Variants in ZNF878 observed in about 807,000 individuals in gnomAD.
ZNF878 encodes zinc finger protein 878.
Under a neutral mutation model 11.1 loss-of-function variants are expected in ZNF878, and 10 were observed. The observed-to-expected ratio is 0.90, with a 90% CI of 0.56 to 1.53. ZNF878 has a LOEUF of 1.53. Among genes scored for constraint, ZNF878 ranks in the 40% most tolerant of loss-of-function variants. ZNF878 has a pLI of 0.00. For missense variants in ZNF878, 548 were observed against 626.1 expected (o/e 0.88, Z 1.33); for synonymous variants, 165 against 209.7 (o/e 0.79, Z 1.84).
At position 12,044,092 on chromosome 19, in the gene ZNF878, G is replaced by A. The variant is rs1287092358; in HGVS notation, c.1309C>T (p.Gln437Ter). 2.5e-6 allele frequency: 4 copies of A among 1,607,894 alleles called. No homozygotes were observed. The highest frequency in any genetic ancestry group is 1.7e-6 in the Non-Finnish European group (2 of 1,178,396). Residue 437 changes from glutamine (Q) to a stop codon, truncating the protein, a stop_gained, in exon 4 of 4, where the codon CAA becomes TAA. Transcript: ENST00000547628. LOFTEE classifies it low-confidence loss of function (END_TRUNC). Reference sequence around the variant, plus strand: ...TGAGTCCTTTCATGCATTTTAAGTTGTGAGGCAACTCTAAAGACTTTACCA... The same window carrying A: ...TGAGTCCTTTCATGCATTTTAAGTTATGAGGCAACTCTAAAGACTTTACCA... ...QCGKVFRVAS[Q>*]LKMHERTHTG... is the part of the protein sequence containing the mutation.
intron 1 of ZNF878, 83 bp downstream of exon 1, chr19:12,052,716 C>A (rs1026656738): frequency 1.3e-6 from 2 of 1,513,296 alleles, no homozygotes; most frequent in South Asian, 1.2e-5. Flanking sequence ...TGCAGGGGGG[C>A]CCGGGCCCCG....
At position 12,044,406 on chromosome 19, in the gene ZNF878, G is replaced by A; in HGVS notation, c.995C>T (p.Thr332Ile). ...TTCATAAGGTTTCTCTCCAGTGTGA[G>A]TCTTTTCATGATAGCGAAAGGAAGT... The part of the protein sequence containing the change: ...SSTSFRYHEK[T>I]HTGEKPYECK... Residue 332 changes from threonine to isoleucine, a missense_variant, in exon 4 of 4, where the codon ACT becomes ATT. By Grantham distance (89) the Thr-to-Ile change is moderately conservative. Coordinates refer to ENST00000547628, the MANE Select transcript of ZNF878 (RefSeq NM_001080404.3). 1 of 1,613,516 alleles carries A rather than the reference G, an allele frequency of 6.2e-7. No individual in the cohort carries two copies. The highest frequency in any genetic ancestry group is 1.1e-5 in the South Asian group (1 of 91,046).
In ZNF878 at chr19:12,052,825, C is replaced by T; in HGVS notation, c.-24G>A. Reference sequence around the variant, plus strand: ...ATTTCCTGGCTTCCAGGTATTCTGGCGTCCTCTCTAAAGGTCCCGTGAACA... The same window carrying T: ...ATTTCCTGGCTTCCAGGTATTCTGGTGTCCTCTCTAAAGGTCCCGTGAACA... On this transcript the variant is annotated 5_prime_UTR_variant, in exon 1 of 4. Transcript: ENST00000547628. 1 of 1,535,912 alleles carries T rather than the reference C, an allele frequency of 6.5e-7. No individual in the cohort carries two copies. Among genetic ancestry groups the T allele is most frequent in the East Asian group, 2.4e-5 (1 of 40,910 alleles).
chr19:12,045,276 C>T (rs1599389155), intron 3 of ZNF878, 67 bp from the exon 4 acceptor site: 1 of 1,325,546 alleles, frequency 7.5e-7, no homozygotes, highest in South Asian at 1.5e-5. Context: ...AAGTATTACA[C>T]TTGCATTTTT....
chr19:12,051,266 CCA>C lies in ZNF878; in HGVS notation c.3+1531_3+1532del, dbSNP rs543663280. Among the ~76,000 whole-genome samples the C allele has an allele frequency of 4.4e-3, 671 of 151,262 alleles. 3 individuals carry two copies. The highest frequency in any genetic ancestry group is 6.7e-3 in the Non-Finnish European group (457 of 67,726). On this transcript the variant is annotated intron_variant, in intron 1 of 3. Transcript: ENST00000547628. ...TGAGCCGAGATTGCGCCATTGCACT[CCA>C]GTCTCGGCAACAAGAGCGAAACTCC...
rs137945075 is a variant in ZNF878, at chr19:12,044,193, G to C, written c.1208C>G (p.Ala403Gly). The change falls in exon 4 of 4, where the codon GCC becomes GGC. Residue 403 changes from alanine to glycine, a missense_variant. Around this residue, in one of 3 missense-constraint regions of ZNF878, gnomAD observed 335 missense variants for 358.2 expected, o/e 0.94. Transcript: ENST00000547628. ...TTGAAGGACTGAGGCAGATCTGAAGGCTTTCCCACATTGCTTACACTCATA... is the reference window on the plus strand; with the variant it reads ...TTGAAGGACTGAGGCAGATCTGAAGCCTTTCCCACATTGCTTACACTCATA... Reference protein sequence around the residue: ...KPYECKQCGKAFRSASVLQKH... With the variant: ...KPYECKQCGKGFRSASVLQKH... 5.1e-5 allele frequency: 82 copies of C among 1,613,984 alleles called. 2 individuals are homozygous for C. The African/African-American group carries it at 7.9e-4, about 15-fold the overall frequency.
At chr19:12,052,141 A>G (rs73512960) in intron 1 of ZNF878, among the ~76,000 whole-genome samples, 8,513 of 152,182 alleles carry the variant, frequency 0.056, 861 homozygotes, top group African/African-American at 0.2. Context: ...CCTTCCCGGC[A>G]CTGATTCATC....
At chr19:12,048,731 G>A in intron 1 of ZNF878, among the ~76,000 whole-genome samples, 1 of 150,840 alleles carries the variant, frequency 6.6e-6, no homozygotes. Flanking sequence ...CTACTTGGGG[G>A]GCCGAGGCAG....
chr19:12,046,427 T>TC lies in ZNF878; in HGVS notation c.131dup (p.Trp47MetfsTer7). The TC allele has an allele frequency of 6.3e-7, 1 of 1,575,500 alleles. No individual in the cohort carries two copies. Among genetic ancestry groups the TC allele is most frequent in the Non-Finnish European group, 8.6e-7 (1 of 1,160,406 alleles). On this transcript the variant is annotated frameshift_variant and splice_region_variant, in exon 3 of 4. Transcript: ENST00000547628. LOFTEE classifies it high-confidence loss of function. ...CAATGTACTGGTTGTTCCATTTTTT[T>TC]CCTAAAATGCGGACCCAGAAAAATA...
At position 12,044,749 on chromosome 19, in the gene ZNF878, T is replaced by C; in HGVS notation, c.652A>G (p.Met218Val). 6.2e-7 allele frequency: 1 copy of C among 1,614,208 alleles called. No homozygotes were observed. The highest frequency in any genetic ancestry group is 8.5e-7 in the Non-Finnish European group (1 of 1,180,028). ...GGTCTCTCTCCAGTGTGCATTCTCA[T>C]GTGTGTCTGAAAGCTTACAAGATAA... is the stretch of plus-strand genomic sequence containing the variant. ...LSYLVSFQTH[M>V]RMHTGERPHK... The change falls in exon 4 of 4, where the codon ATG becomes GTG. Residue 218 changes from methionine (M) to valine (V), a missense_variant. Physicochemically the swap from Met to Val is conservative, Grantham distance 21. This residue lies in a region of ZNF878 where 53 missense variants were observed against 94.6 expected (regional missense o/e 0.56). Transcript: ENST00000547628.
Position 12,044,009 on chromosome 19 carries a change from A to G in ZNF878, c.1392T>C (p.Asn464=), listed in dbSNP as rs776012672. 15 of 1,609,746 alleles carry G rather than the reference A, an allele frequency of 9.3e-6. No individual in the cohort carries two copies. Among genetic ancestry groups the G allele is most frequent in the Middle Eastern group, 1.7e-4 (1 of 6,048 alleles). ...GAGTCCTTTTATGATAGCGAATAGA[A>G]TTAGAAGAAATGAAGGCTTTTCCAC... The part of the protein sequence containing the change: ...KQCGKAFISS[N]SIRYHKRTHT... Residue 464 remains asparagine, a synonymous_variant, in exon 4 of 4, where the codon AAT becomes AAC. Coordinates refer to ENST00000547628, the MANE Select transcript of ZNF878 (RefSeq NM_001080404.3).
At position 12,045,299 on chromosome 19, in the gene ZNF878, C is replaced by A. The variant is rs150777307; in HGVS notation, c.192-90G>T. On this transcript the variant is annotated intron_variant, in intron 3 of 3. Transcript: ENST00000547628. ...CACTTGCATTTTTAACAGTGCCCAG[C>A]AAAGTGTAGGCTTTCTGTCCTGTCT... 3.4e-4 allele frequency: 369 copies of A among 1,077,834 alleles called. 7 individuals carry two copies. The African/African-American group carries it at 5.1e-3, about 15-fold the overall frequency. The allele number at this position is 1,077,834 out of a possible 1,614,324, so 66.8% of individuals were successfully genotyped here. A position where few individuals can be genotyped will look rare whatever the true frequency, so the allele number is the denominator to read the frequency against.
rs1222779669 is a variant in ZNF878 at position 12,052,759 on chromosome 19, C to G, written c.3+40G>C. On this transcript the variant is annotated intron_variant, in intron 1 of 3. Transcript: ENST00000547628. Reference sequence around the variant, plus strand: ...GGGTTCCTCTCGGTTCCACCCAGTCCCTCCTTTCGCCTTGGGACTCCCCAG... The same window carrying G: ...GGGTTCCTCTCGGTTCCACCCAGTCGCTCCTTTCGCCTTGGGACTCCCCAG... The G allele has an allele frequency of 3.9e-6, 6 of 1,535,490 alleles. 1 individual carries two copies. The South Asian group carries it at 4.8e-5, about 12-fold the overall frequency.
Position 12,046,736 on chromosome 19 carries a change from C to T in ZNF878, c.28G>A (p.Ala10Thr). 1 of 1,614,056 alleles carries T rather than the reference C, an allele frequency of 6.2e-7. No homozygotes were observed. The highest frequency in any genetic ancestry group is 8.5e-7 in the Non-Finnish European group (1 of 1,179,980). The change falls in exon 2 of 4, where the codon GCT becomes ACT. Residue 10 changes from alanine to threonine, a missense_variant. Transcript: ENST00000547628. The stretch of plus-strand genomic sequence containing the variant: ...CACTCCTCCTGGGTGAAGTTCACAG[C>T]CACATCCTCAAAGGCCACCGAATCC... MDSVAFEDVAVNFTQEEWAL... is the reference protein window; with the variant it reads MDSVAFEDVTVNFTQEEWAL...
At chr19:12,050,595 C>T (rs1384864576) in intron 1 of ZNF878, among the ~76,000 whole-genome samples, 3 of 152,146 alleles carry the variant, frequency 2.0e-5, no homozygotes, top group African/African-American at 7.2e-5. Flanking sequence ...ACCTTCCATT[C>T]CCTGATTACA....
At chr19:12,045,552 C>A (rs550659906) in intron 3 of ZNF878, among the ~76,000 whole-genome samples, 1 of 151,162 alleles carries the variant, frequency 6.6e-6, no homozygotes, top group Admixed American at 6.6e-5. Context: ...GAGGCTGAGG[C>A]AGGAGAATAG....
At chr19:12,051,221 C>G (rs1975548440) in intron 1 of ZNF878, among the ~76,000 whole-genome samples, 1 of 149,904 alleles carries the variant, frequency 6.7e-6, no homozygotes, top group Admixed American at 6.7e-5. Context: ...TCGCTTGAAC[C>G]GGGGAGGCGG....
chr19:12,050,414 T>C (rs530214258), intron 1 of ZNF878, among the ~76,000 whole-genome samples: 11 of 152,284 alleles, frequency 7.2e-5, no homozygotes, highest in Non-Finnish European at 8.8e-5. Flanking sequence ...CCAGGCACAA[T>C]AGGTCAATTA....
Position 12,052,960 on chromosome 19 carries a change from G to C in ZNF878, c.-159C>G. ...TTAACTAGCGCGAGCAGCCCTAGGA[G>C]TGAAGAGAGCGGGAATGCAACCTCC... On this transcript the variant is annotated 5_prime_UTR_variant, in exon 1 of 4. Coordinates refer to ENST00000547628, the MANE Select transcript of ZNF878 (RefSeq NM_001080404.3). The C allele has an allele frequency of 7.5e-7, 1 of 1,333,344 alleles. No homozygotes were observed. The highest frequency in any genetic ancestry group is 1.0e-6 in the Non-Finnish European group (1 of 986,700). 82.6% of individuals were successfully genotyped at this position (1,333,344 alleles called of 1,614,324 possible).
Sources: gnomAD v4.1 joint callset for allele counts (sites outside exome capture counted in the v4.1 genomes callset) on GRCh38, gnomAD v4.1.1 for gene constraint, gnomAD v4.1.1 regional missense constraint, MANE v1.5 for transcripts, NCBI Gene and HGNC (gene_info 2026-07-23, HGNC 2026-07-21) for gene names.